The following PDGFB variants were observed in gnomAD, a reference collection of about 807,000 sequenced individuals.
PDGFB encodes platelet-derived growth factor subunit B.
Under a neutral mutation model 29.0 loss-of-function variants are expected in PDGFB, and 6 were observed. The observed-to-expected ratio is 0.21, with a 90% CI of 0.11 to 0.41. The LOEUF (loss-of-function observed/expected upper bound fraction) is 0.41, where lower values mean the gene tolerates loss of function less well. PDGFB is among the 10% of genes least tolerant of loss of function. The pLI is 1.00. For synonymous variants in PDGFB, 144 were observed against 140.8 expected, an observed-to-expected ratio of 1.02 and a Z score of -0.16; for missense variants, 299 against 341.8, an observed-to-expected ratio of 0.87 and a Z score of 0.99.
rs1400528742 is a variant in PDGFB at position 39,243,594 on chromosome 22, G to A, written c.63+307C>T. Among the ~76,000 whole-genome samples, 1 of 152,136 alleles carries A rather than the reference G, an allele frequency of 6.6e-6. No individual in the cohort carries two copies. The highest frequency in any genetic ancestry group is 1.5e-5 in the Non-Finnish European group (1 of 68,012). On this transcript the variant is annotated intron_variant, in intron 1 of 6. Transcript: ENST00000331163. The surrounding 1 kb of genome is among the most constrained non-coding windows in gnomAD (Gnocchi z 6.4). Reference sequence around the variant, plus strand: ...CCACCCCACCCCCTCTCCCCCGGCCGGGAAGGGGCTTGTTCTCGGGTTCCC... The same window carrying A: ...CCACCCCACCCCCTCTCCCCCGGCCAGGAAGGGGCTTGTTCTCGGGTTCCC...
At chr22:39,229,108 T>C (rs1183464192) in intron 5 of PDGFB, among the ~76,000 whole-genome samples, 5 of 152,090 alleles carry the variant, frequency 3.3e-5, no homozygotes, top group African/African-American at 1.2e-4. Context: ...AATGAAAAGA[T>C]TGTCCTGTCC....
Position 39,243,274 on chromosome 22 carries a change from T to TC in PDGFB, c.63+626_63+627insG, listed in dbSNP as rs1932615384. Among the ~76,000 whole-genome samples the TC allele has an allele frequency of 4.9e-5, 3 of 60,804 alleles. No homozygotes were observed. Among genetic ancestry groups the TC allele is most frequent in the Non-Finnish European group, 4.4e-5 (1 of 22,884 alleles). The allele number at this position is 60,804 out of a possible 152,430, so 39.9% of individuals were successfully genotyped here. ...TCCGTCTCTCTCTCTCTCTCTCTCT[T>TC]TCTCTCTCTCTCTCTCTCTCTCCCT... is the stretch of plus-strand genomic sequence containing the variant. On this transcript the variant is annotated intron_variant, in intron 1 of 6. Coordinates refer to ENST00000331163, the MANE Select transcript of PDGFB (RefSeq NM_002608.4). This position sits in a 1 kb window ranked among gnomAD's most constrained non-coding sequence, Gnocchi z 6.4.
At chr22:39,230,569 G>A (rs1272202456) in intron 4 of PDGFB, among the ~76,000 whole-genome samples, 4 of 152,254 alleles carry the variant, frequency 2.6e-5, no homozygotes, top group Non-Finnish European at 4.4e-5. Flanking sequence ...GCAGAGGCGG[G>A]AGATGGTTGT....
intron 1 of PDGFB, among the ~76,000 whole-genome samples, chr22:39,237,236 G>A (rs1442089057): frequency 1.3e-5 from 2 of 148,622 alleles, no homozygotes; most frequent in Admixed American, 1.4e-4. Flanking sequence ...ACACCTCCAG[G>A]GGTTCATCCA....
At chr22:39,232,915 C>T (rs1414133865) in intron 3 of PDGFB, among the ~76,000 whole-genome samples, 3 of 152,198 alleles carry the variant, frequency 2.0e-5, no homozygotes, top group Non-Finnish European at 1.5e-5. Flanking sequence ...TCTCTGGGAC[C>T]TAATGATCTA....
rs572336369 is a variant in PDGFB, at chr22:39,241,623, G to GT, written c.63+2277dup. On this transcript the variant is annotated intron_variant, in intron 1 of 6. Transcript: ENST00000331163. Reference sequence around the variant, plus strand: ...GAGGTGCTGGACGAAGCTGGAAATGGTAAGGGGAGGCTGGGGAAACATCCA... The same window carrying GT: ...GAGGTGCTGGACGAAGCTGGAAATGGTTAAGGGGAGGCTGGGGAAACATCCA... 8.5e-5 allele frequency among the ~76,000 whole-genome samples: 13 copies of GT among 152,376 alleles called. No individual in the cohort carries two copies. In the East Asian group the frequency reaches 2.3e-3, roughly 27 times the overall value.
chr22:39,241,167 C>A (rs887282029), intron 1 of PDGFB: 20 of 517,524 alleles, frequency 3.9e-5, no homozygotes, highest in Non-Finnish European at 6.3e-5. Context: ...GTGGGACTCG[C>A]CCTCCTGGAA....
Position 39,231,492 on chromosome 22 carries a change from G to T in PDGFB, c.456+130C>A. ...GTGGGCCTCTCTGGACAGAGCCCAGGAACAAATCAGGAATGTCCTTCGACA... is the reference window on the plus strand; with the variant it reads ...GTGGGCCTCTCTGGACAGAGCCCAGTAACAAATCAGGAATGTCCTTCGACA... On this transcript the variant is annotated intron_variant, in intron 4 of 6. Transcript: ENST00000331163. This position sits in a 1 kb window ranked among gnomAD's most constrained non-coding sequence, Gnocchi z 4.3. 1.4e-6 allele frequency: 1 copy of T among 735,660 alleles called. No homozygotes were observed. The highest frequency in any genetic ancestry group is 2.2e-6 in the Non-Finnish European group (1 of 459,944). The allele number at this position is 735,660 out of a possible 1,614,324, so 45.6% of individuals were successfully genotyped here.
intron 2 of PDGFB, among the ~76,000 whole-genome samples, chr22:39,235,228 G>C (rs1193628265): frequency 6.6e-6 from 1 of 152,216 alleles, no homozygotes; most frequent in South Asian, 2.1e-4. Context: ...CAGGCCAGAG[G>C]TTAGAATAGA....
intron 2 of PDGFB, among the ~76,000 whole-genome samples, chr22:39,235,484 C>G (rs1932419088): frequency 6.6e-6 from 1 of 152,186 alleles, no homozygotes; most frequent in Non-Finnish European, 1.5e-5. Context: ...TGGAGACATA[C>G]TCGGCAGATG....
At position 39,243,252 on chromosome 22, in the gene PDGFB, GTCTC is replaced by G. The variant is rs79409466; in HGVS notation, c.63+645_63+648del. 0.029 allele frequency among the ~76,000 whole-genome samples: 4,167 copies of G among 143,856 alleles called. 78 individuals carry two copies. The highest frequency in any genetic ancestry group is 0.092 in the South Asian group (423 of 4,606). The allele number at this position is 143,856 out of a possible 152,430, so 94.4% of individuals were successfully genotyped here. A position where few individuals can be genotyped will look rare whatever the true frequency, so the allele number is the denominator to read the frequency against. On this transcript the variant is annotated intron_variant, in intron 1 of 6. Transcript: ENST00000331163. The surrounding 1 kb of genome is among the most constrained non-coding windows in gnomAD (Gnocchi z 6.4). ...CCTCTCTCTCTCCGTCTCTCTCTCC[GTCTC>G]TCTCTCTCTCTCTCTCTTTCTCTCT...
Position 39,225,548 on chromosome 22 carries a change from C to A in PDGFB, c.*28+147G>T, listed in dbSNP as rs150194218. The A allele has an allele frequency of 4.6e-4, 351 of 756,342 alleles. No individual in the cohort carries two copies. In the African/African-American group the frequency reaches 5.7e-3, roughly 12 times the overall value. The allele number at this position is 756,342 out of a possible 1,614,324, so 46.9% of individuals were successfully genotyped here. Reference sequence around the variant, plus strand: ...TGGGGTCTCCAAAGCCCACCACCCACCCTGCCCCAGCTGATAACTGGACAG... The same window carrying A: ...TGGGGTCTCCAAAGCCCACCACCCAACCTGCCCCAGCTGATAACTGGACAG... On this transcript the variant is annotated intron_variant, in intron 6 of 6. Transcript: ENST00000331163.
intron 3 of PDGFB, 60 bp downstream of exon 3, chr22:39,233,375 T>C (rs1601598750): frequency 1.5e-6 from 2 of 1,309,756 alleles, no homozygotes; most frequent in East Asian, 2.5e-5. Context: ...CCCGCCCCCG[T>C]TCTCTTTCCC....
In PDGFB at chr22:39,243,165, G is replaced by C; in HGVS notation, c.63+736C>G. On this transcript the variant is annotated intron_variant, in intron 1 of 6. Coordinates refer to ENST00000331163, the MANE Select transcript of PDGFB (RefSeq NM_002608.4). This position sits in a 1 kb window ranked among gnomAD's most constrained non-coding sequence, Gnocchi z 6.4. The stretch of plus-strand genomic sequence containing the variant: ...GCGCCCCGGGGGCTGGATTCCTTCA[G>C]AGCCCCTAGTCCTCCCCCTACCCGA... The C allele has an allele frequency of 4.3e-6, 1 of 233,208 alleles. No individual in the cohort carries two copies. Among genetic ancestry groups the C allele is most frequent in the Non-Finnish European group, 8.5e-6 (1 of 118,060 alleles). 14.4% of individuals were successfully genotyped at this position (233,208 alleles called of 1,614,324 possible). A position where few individuals can be genotyped will look rare whatever the true frequency, so the allele number is the denominator to read the frequency against.
At chr22:39,235,895 G>A (rs1432948686) in intron 1 of PDGFB, 21 bp from the exon 2 acceptor site, 19 of 1,552,438 alleles carry the variant, frequency 1.2e-5, no homozygotes, top group Non-Finnish European at 1.3e-5. Flanking sequence ...GACACCAAAA[G>A]GCTGAGTGAG....
chr22:39,232,413 C>T (rs1397185370), intron 3 of PDGFB, among the ~76,000 whole-genome samples: 3 of 152,236 alleles, frequency 2.0e-5, no homozygotes, highest in Non-Finnish European at 4.4e-5. Flanking sequence ...TATCCATGTA[C>T]AGAGGACAGG....
chr22:39,243,841 C>T lies in PDGFB; in HGVS notation c.63+60G>A. ...CACTGCAGGGAGAGGAGGGGGCGGT[C>T]AGAAGGGGGGGGCGAAGGTAATGAA... On this transcript the variant is annotated intron_variant, in intron 1 of 6. Coordinates refer to ENST00000331163, the MANE Select transcript of PDGFB (RefSeq NM_002608.4). This position sits in a 1 kb window ranked among gnomAD's most constrained non-coding sequence, Gnocchi z 6.4. 7.1e-7 allele frequency: 1 copy of T among 1,400,320 alleles called. No individual in the cohort carries two copies. The highest frequency in any genetic ancestry group is 9.9e-7 in the Non-Finnish European group (1 of 1,008,954). 86.7% of individuals were successfully genotyped at this position (1,400,320 alleles called of 1,614,324 possible).
Position 39,230,154 on chromosome 22 carries a change from T to A in PDGFB, c.531A>T (p.Ala177=). Residue 177 remains alanine, a synonymous_variant, in exon 5 of 7, where the codon GCA becomes GCT. Coordinates refer to ENST00000331163, the MANE Select transcript of PDGFB (RefSeq NM_002608.4). The stretch of plus-strand genomic sequence containing the variant: ...CAGCTGCCACTGTCTCACACTTGCA[T>A]GCCAGGTGGTCTTCCAGCGTCACCG... ...KATVTLEDHL[A]CKCETVAAAR... The A allele has an allele frequency of 6.2e-7, 1 of 1,614,110 alleles. No homozygotes were observed. The highest frequency in any genetic ancestry group is 8.5e-7 in the Non-Finnish European group (1 of 1,180,038).
chr22:39,225,981 T>C (rs1482504819), intron 5 of PDGFB, 134 bp from the exon 6 acceptor site: 28 of 1,009,486 alleles, frequency 2.8e-5, no homozygotes, highest in Middle Eastern at 4.3e-4. Flanking sequence ...GGTCCTGGGT[T>C]TGGATCCCAA....
Sources: gnomAD v4.1 joint callset for allele counts (sites outside exome capture counted in the v4.1 genomes callset) on GRCh38, gnomAD v4.1.1 for gene constraint, Gnocchi (gnomAD v3.1) non-coding constraint, MANE v1.5 for transcripts, NCBI Gene and HGNC (gene_info 2026-07-23, HGNC 2026-07-21) for gene names.